The following GPR158 variants were observed in gnomAD, a reference collection of about 807,000 sequenced individuals.
The protein encoded by GPR158 is G protein-coupled receptor 158.
A neutral mutation model predicts 78.2 loss-of-function variants in GPR158; 30 were observed. The ratio of observed to expected loss-of-function variants is 0.38; its 90% confidence interval spans 0.29 to 0.52. The LOEUF is 0.52. GPR158 is among the 20% of genes least tolerant of loss of function. The pLI is 0.83. For missense variants in GPR158, 1,463 were observed against 1,523.5 expected (o/e 0.96, Z 0.66); for synonymous variants, 581 against 591.1 (o/e 0.98, Z 0.25).
chr10:25,242,970 A>G (rs1853645559), intron 2 of GPR158, among the ~76,000 whole-genome samples: 1 of 152,212 alleles, frequency 6.6e-6, no homozygotes, highest in African/African-American at 2.4e-5. Flanking sequence ...CAGATTTGGA[A>G]TTTGCAGGCC....
At chr10:25,484,610 ATGT>A (rs1189015534) in intron 5 of GPR158, among the ~76,000 whole-genome samples, 1 of 152,210 alleles carries the variant, frequency 6.6e-6, no homozygotes, top group Non-Finnish European at 1.5e-5. Context: ...AAGATAAGAA[ATGT>A]TGTCTCTGCA....
At chr10:25,590,544 C>T (rs1394704605) in intron 8 of GPR158, among the ~76,000 whole-genome samples, 1 of 152,178 alleles carries the variant, frequency 6.6e-6, no homozygotes, top group Non-Finnish European at 1.5e-5. Context: ...ACATATTCCC[C>T]AGACTTTCTT....
intron 6 of GPR158, among the ~76,000 whole-genome samples, chr10:25,557,312 C>T (rs953453261): frequency 6.6e-6 from 1 of 152,220 alleles, no homozygotes; most frequent in Non-Finnish European, 1.5e-5. Context: ...TGACCTCTCA[C>T]TTCCTGCATT....
chr10:25,503,363 ATAATT>A (rs1835966610), intron 5 of GPR158, among the ~76,000 whole-genome samples: 1 of 152,012 alleles, frequency 6.6e-6, no homozygotes, highest in South Asian at 2.1e-4. Context: ...GGACAAAAAA[ATAATT>A]TAATTCAGTT....
chr10:25,599,128 C>G lies in GPR158; in HGVS notation c.3502C>G (p.Arg1168Gly). Residue 1168 changes from arginine to glycine, a missense_variant, in exon 11 of 11, where the codon CGA becomes GGA. By Grantham distance (125) the Arg-to-Gly change is moderately radical. Coordinates refer to ENST00000376351, the MANE Select transcript of GPR158 (RefSeq NM_020752.3). Reference protein sequence around the residue: ...SNNFQQPLTSRAEVCPWEFET... With the variant: ...SNNFQQPLTSGAEVCPWEFET... ...TAACTTCCAGCAACCTTTAACATCACGAGCAGAGGTTTGTCCTTGGGAGTT... is the reference window on the plus strand; with the variant it reads ...TAACTTCCAGCAACCTTTAACATCAGGAGCAGAGGTTTGTCCTTGGGAGTT... 6.2e-7 allele frequency: 1 copy of G among 1,611,426 alleles called. No homozygotes were observed. The highest frequency in any genetic ancestry group is 8.5e-7 in the Non-Finnish European group (1 of 1,179,956).
At chr10:25,237,123 G>T (rs2130701781) in intron 2 of GPR158, among the ~76,000 whole-genome samples, 1 of 152,226 alleles carries the variant, frequency 6.6e-6, no homozygotes, top group Admixed American at 6.5e-5. Context: ...CATTGGTAAG[G>T]CTGTTTTGGT....
chr10:25,351,436 G>T (rs916168700), intron 2 of GPR158, among the ~76,000 whole-genome samples: 1 of 150,928 alleles, frequency 6.6e-6, no homozygotes, highest in Admixed American at 6.6e-5. Flanking sequence ...GGGGGTGGGG[G>T]GGTGCTGGAA....
At chr10:25,538,539 T>C (rs1281319555) in intron 5 of GPR158, among the ~76,000 whole-genome samples, 4 of 152,124 alleles carry the variant, frequency 2.6e-5, no homozygotes, top group African/African-American at 9.7e-5. Context: ...TGGAGTGCGA[T>C]GGTTATTCAT....
chr10:25,578,420 G>A (rs1837135758), intron 7 of GPR158, among the ~76,000 whole-genome samples: 1 of 152,264 alleles, frequency 6.6e-6, no homozygotes, highest in Non-Finnish European at 1.5e-5. Flanking sequence ...GCTAAAGACT[G>A]TGGAAGTCAT....
chr10:25,356,963 G>A (rs1855563466), intron 2 of GPR158, among the ~76,000 whole-genome samples: 1 of 152,082 alleles, frequency 6.6e-6, no homozygotes, highest in Non-Finnish European at 1.5e-5. Flanking sequence ...GATTGGCTTT[G>A]ACCAAAATGC....
intron 1 of GPR158, among the ~76,000 whole-genome samples, chr10:25,215,444 G>A (rs1284333237): frequency 6.6e-6 from 1 of 152,164 alleles, no homozygotes; most frequent in Non-Finnish European, 1.5e-5. Context: ...CTCAAGATTG[G>A]TTGCACAATA....
chr10:25,428,394 A>T (rs1834851992), intron 4 of GPR158, among the ~76,000 whole-genome samples: 1 of 152,030 alleles, frequency 6.6e-6, no homozygotes, highest in Non-Finnish European at 1.5e-5. Context: ...CTCTTCGTTA[A>T]TTATATAAAA....
At chr10:25,342,346 G>A (rs1352693368) in intron 2 of GPR158, among the ~76,000 whole-genome samples, 2 of 151,424 alleles carry the variant, frequency 1.3e-5, no homozygotes, top group Non-Finnish European at 2.9e-5. Context: ...CCACCTTCTT[G>A]TTTCTGCAGC....
chr10:25,414,969 A>G lies in GPR158; in HGVS notation c.1335+2496A>G, dbSNP rs997232463. ...CTTTGTGAGAATTGCTTAGCCTTTT[A>G]TTGTCTAGCTTTCTCCTCTGTAAAA... On this transcript the variant is annotated intron_variant, in intron 4 of 10. Transcript: ENST00000376351. 2.6e-5 allele frequency among the ~76,000 whole-genome samples: 4 copies of G among 152,248 alleles called. No individual in the cohort carries two copies. The East Asian group carries it at 7.7e-4, about 29-fold the overall frequency.
chr10:25,600,879 A>G lies in GPR158; in HGVS notation c.*1605A>G, dbSNP rs2130760012. The stretch of plus-strand genomic sequence containing the variant: ...AATCCTAAGCTGCCGACTAAGCCCT[A>G]CCGACATGATCATGCAGTGAGATTC... On this transcript the variant is annotated 3_prime_UTR_variant, in exon 11 of 11. Coordinates refer to ENST00000376351, the MANE Select transcript of GPR158 (RefSeq NM_020752.3). 6.6e-6 allele frequency: 1 copy of G among 152,296 alleles called. No homozygotes were observed. The highest frequency in any genetic ancestry group is 6.5e-5 in the Admixed American group (1 of 15,288). The allele number at this position is 152,296 out of a possible 1,614,324, so 9.4% of individuals were successfully genotyped here. A position where few individuals can be genotyped will look rare whatever the true frequency, so the allele number is the denominator to read the frequency against.
chr10:25,490,422 C>T (rs7089568), intron 5 of GPR158, among the ~76,000 whole-genome samples: 15,433 of 125,594 alleles, frequency 0.12, 1,203 homozygotes, highest in East Asian at 0.17. Flanking sequence ...AGGTATATCT[C>T]CCAATGCTAT....
chr10:25,299,511 G>T (rs1854561420), intron 2 of GPR158, among the ~76,000 whole-genome samples: 1 of 151,600 alleles, frequency 6.6e-6, no homozygotes. Context: ...TCTCTGTCTG[G>T]CTTATTTCAC....
At chr10:25,431,124 G>T (rs1834897993) in intron 4 of GPR158, among the ~76,000 whole-genome samples, 1 of 121,854 alleles carries the variant, frequency 8.2e-6, no homozygotes, top group South Asian at 3.0e-4. Context: ...CTGACAAAGG[G>T]CTAATATCCA....
At chr10:25,182,821 T>G (rs1852629289) in intron 1 of GPR158, among the ~76,000 whole-genome samples, 1 of 152,240 alleles carries the variant, frequency 6.6e-6, no homozygotes. Flanking sequence ...ACAGAAGCAT[T>G]AGGCCCTGGC....
Sources: allele counts gnomAD v4.1 joint callset (sites outside exome capture counted in the v4.1 genomes callset), GRCh38; gene constraint gnomAD v4.1.1; transcripts MANE v1.5; gene names NCBI Gene and HGNC (gene_info 2026-07-23, HGNC 2026-07-21).